Variants in RANBP2 observed in about 807,000 individuals in gnomAD.
RANBP2 encodes RAN binding protein 2.
In RANBP2, 57 loss-of-function variants were observed where a neutral mutation model predicts 303.6. The ratio of observed to expected loss-of-function variants is 0.19; its 90% CI spans 0.15 to 0.23. The LOEUF is 0.23. Among genes scored for constraint, RANBP2 ranks in the 10% least tolerant of loss-of-function variants. The probability of loss-of-function intolerance (pLI) is 1.00; values close to 1 mark genes in which losing one functional copy is unlikely to be tolerated. For synonymous variants in RANBP2, 1,167 were observed against 1,301.5 expected (o/e 0.90, Z 2.23); for missense variants, 3,138 against 3,780.8 (o/e 0.83, Z 4.46).
rs1162643033 is a variant in RANBP2 at position 108,752,635 on chromosome 2, AAG to A, written c.1756-361_1756-360del. Among the ~76,000 whole-genome samples the A allele has an allele frequency of 7.2e-3, 947 of 131,704 alleles. 75 individuals are homozygous for A. The highest frequency in any genetic ancestry group is 0.014 in the East Asian group (69 of 4,956). 86.4% of individuals were successfully genotyped at this position (131,704 alleles called of 152,430 possible). The stretch of plus-strand genomic sequence containing the variant: ...AAAAATACAAAAAAAAAAAAAAAAA[AAG>A]AAAAAATTAGCCGGGCGTGGTGGCA... On this transcript the variant is annotated intron_variant, in intron 12 of 28. Transcript: ENST00000283195.
rs533559901 is a variant in RANBP2, at chr2:108,777,256, A to G, written c.8599+25A>G. The stretch of plus-strand genomic sequence containing the variant: ...GGTAAGATCAAGAGGAGAGACTTTT[A>G]ATGACATTGTTACAGAATCAAGCAC... On this transcript the variant is annotated intron_variant, in intron 25 of 28. Transcript: ENST00000283195. The G allele has an allele frequency of 2.8e-5, 44 of 1,589,146 alleles. No individual in the cohort carries two copies. In the South Asian group the frequency reaches 4.9e-4, roughly 18 times the overall value.
At chr2:109,518,435 ACAGC>A in the RANBP2 span, among the ~76,000 whole-genome samples, 15 of 152,216 alleles carry the variant, frequency 9.9e-5, no homozygotes, top group African/African-American at 3.4e-4. Flanking sequence ...CCCAGGGCTT[ACAGC>A]CAGCCAGCAA....
the RANBP2 span, among the ~76,000 whole-genome samples, chr2:109,046,763 C>G: frequency 6.6e-6 from 1 of 152,166 alleles, no homozygotes; most frequent in African/African-American, 2.4e-5. Flanking sequence ...GCACCGTGCC[C>G]TTGGTCCCTT....
the RANBP2 span, among the ~76,000 whole-genome samples, chr2:109,596,478 G>A: frequency 2.0e-5 from 3 of 152,062 alleles, no homozygotes; most frequent in South Asian, 2.1e-4. Context: ...TTAGCCGAGC[G>A]TGCTGGCAGG....
At chr2:109,244,615 A>G in the RANBP2 span, among the ~76,000 whole-genome samples, 1 of 152,270 alleles carries the variant, frequency 6.6e-6, no homozygotes, top group Non-Finnish European at 1.5e-5. Flanking sequence ...GGAAAACCCA[A>G]GAATGCCAGT....
At chr2:109,487,614 C>T in the RANBP2 span, among the ~76,000 whole-genome samples, 1 of 152,216 alleles carries the variant, frequency 6.6e-6, no homozygotes, top group African/African-American at 2.4e-5. Flanking sequence ...CCAAAGCAGA[C>T]AGCTAAGGTT....
the RANBP2 span, among the ~76,000 whole-genome samples, chr2:108,831,716 C>CCTTCCTTT: frequency 2.6e-5 from 4 of 151,534 alleles, no homozygotes; most frequent in Non-Finnish European, 5.9e-5. Context: ...TTCCTTCCTT[C>CCTTCCTTT]CTTCCTTCCT....
the RANBP2 span, among the ~76,000 whole-genome samples, chr2:108,931,229 C>T: frequency 6.6e-6 from 1 of 152,248 alleles, no homozygotes; most frequent in African/African-American, 2.4e-5. Flanking sequence ...TTCCCAGCCT[C>T]GCAGCCATGC....
At chr2:109,623,994 G>C in the RANBP2 span, among the ~76,000 whole-genome samples, 3 of 152,176 alleles carry the variant, frequency 2.0e-5, no homozygotes, top group African/African-American at 7.2e-5. Context: ...TTACAACAAC[G>C]TGATAGGTGC....
At chr2:109,291,649 GA>G in the RANBP2 span, among the ~76,000 whole-genome samples, 1 of 152,208 alleles carries the variant, frequency 6.6e-6, no homozygotes, top group African/African-American at 2.4e-5. Context: ...TGGAAGACTG[GA>G]TATTGTTCCA....
the RANBP2 span, among the ~76,000 whole-genome samples, chr2:109,677,388 CT>C: frequency 7.2e-5 from 11 of 152,144 alleles, no homozygotes; most frequent in Admixed American, 7.2e-4. Context: ...AATTTTCAGC[CT>C]TGGTCAAGCT....
chr2:108,834,869 C>A, the RANBP2 span, among the ~76,000 whole-genome samples: 1 of 152,178 alleles, frequency 6.6e-6, no homozygotes, highest in South Asian at 2.1e-4. Context: ...ATGACTTTGT[C>A]ACTTGAAAAG....
chr2:108,964,778 C>T, the RANBP2 span, among the ~76,000 whole-genome samples: 1 of 152,192 alleles, frequency 6.6e-6, no homozygotes, highest in African/African-American at 2.4e-5. Context: ...CCTTGGCTTG[C>T]TTCTACCCAG....
intron 7 of RANBP2, among the ~76,000 whole-genome samples, chr2:108,743,693 A>T (rs1362169922): frequency 6.6e-6 from 1 of 152,202 alleles, no homozygotes; most frequent in African/African-American, 2.4e-5. Context: ...TATTTTTTGC[A>T]TATGCAAATG....
the RANBP2 span, among the ~76,000 whole-genome samples, chr2:109,672,048 A>G: frequency 6.6e-6 from 1 of 152,070 alleles, no homozygotes; most frequent in African/African-American, 2.4e-5. Context: ...CCAAGCAATG[A>G]CCTTAACAAG....
At chr2:108,779,365 A>G (rs1678087990) in intron 25 of RANBP2, among the ~76,000 whole-genome samples, 1 of 151,988 alleles carries the variant, frequency 6.6e-6, no homozygotes, top group Non-Finnish European at 1.5e-5. Flanking sequence ...GGGTTTCGCC[A>G]TGTTGGCCAG....
At chr2:109,648,457 C>T in the RANBP2 span, among the ~76,000 whole-genome samples, 1 of 152,012 alleles carries the variant, frequency 6.6e-6, no homozygotes, top group African/African-American at 2.4e-5. Context: ...AGTTCTCTTG[C>T]CTCAGCCTCC....
At chr2:109,534,426 A>G in the RANBP2 span, among the ~76,000 whole-genome samples, 1 of 152,208 alleles carries the variant, frequency 6.6e-6, no homozygotes, top group South Asian at 2.1e-4. Flanking sequence ...TTTATAAGCA[A>G]CTAAGAGCTG....
intron 1 of RANBP2, 43 bp from the exon 2 acceptor site, chr2:108,729,089 A>G (rs1335677573): frequency 1.3e-6 from 2 of 1,547,618 alleles, no homozygotes; most frequent in East Asian, 4.5e-5. Context: ...ATGTTGGAAA[A>G]TATTTCTGTA....
Sources: gnomAD v4.1 joint callset for allele counts (sites outside exome capture counted in the v4.1 genomes callset) on GRCh38, gnomAD v4.1.1 for gene constraint, MANE v1.5 for transcripts, NCBI Gene and HGNC (gene_info 2026-07-23, HGNC 2026-07-21) for gene names.